The following GYG1 variants were observed in gnomAD, a reference collection of about 807,000 sequenced individuals.
The protein encoded by GYG1 is glycogenin-1.
Under a neutral mutation model 41.9 loss-of-function variants are expected in GYG1, and 44 were observed. The observed-to-expected ratio is 1.05, with a 90% CI of 0.83 to 1.35. The LOEUF (loss-of-function observed/expected upper bound fraction) is 1.35. GYG1 is among the 40% of genes most tolerant of loss of function. GYG1 has a pLI of 0.00. For missense variants in GYG1, 429 were observed against 418.9 expected (o/e 1.02, Z -0.21); for synonymous variants, 141 against 158.1 (o/e 0.89, Z 0.81).
rs747627650 is a variant in GYG1 at position 149,024,126 on chromosome 3, AC to A, written c.683del (p.Thr228LysfsTer13). ...ATGGAATTATACTTATGATCCCAAA[AC>A]AAAAAGTGTCAAAAGTGAGGCCCAT... is the stretch of plus-strand genomic sequence containing the variant. ...KPWNYTYDPK[T>X]KSVKSEAHDP... is the part of the protein sequence containing the mutation. On this transcript the variant is annotated frameshift_variant, in exon 6 of 8. Transcript: ENST00000345003. LOFTEE classifies it high-confidence loss of function. 1.9e-6 allele frequency: 3 copies of A among 1,614,110 alleles called. No homozygotes were observed. The highest frequency in any genetic ancestry group is 1.7e-5 in the Admixed American group (1 of 60,024).
chr3:149,011,857 C>T (rs1384066741), intron 5 of GYG1, among the ~76,000 whole-genome samples: 1 of 152,170 alleles, frequency 6.6e-6, no homozygotes, highest in African/African-American at 2.4e-5. Flanking sequence ...CAACTCCGTC[C>T]ATTAGCCGGA....
Position 149,030,759 on chromosome 3 carries a change from C to T in GYG1, c.*3826C>T, listed in dbSNP as rs1018508089. The T allele has an allele frequency of 6.6e-6, 1 of 152,202 alleles. No individual in the cohort carries two copies. The highest frequency in any genetic ancestry group is 6.5e-5 in the Admixed American group (1 of 15,284). 9.4% of individuals were successfully genotyped at this position (152,202 alleles called of 1,614,324 possible). A position where few individuals can be genotyped will look rare whatever the true frequency, so the allele number is the denominator to read the frequency against. Reference sequence around the variant, plus strand: ...TTGATGAAAATCAGCCCTTTCCTTACCTGCTACTGCCTCAAAAAGGGACCA... The same window carrying T: ...TTGATGAAAATCAGCCCTTTCCTTATCTGCTACTGCCTCAAAAAGGGACCA... On this transcript the variant is annotated 3_prime_UTR_variant, in exon 8 of 8. Coordinates refer to ENST00000345003, the MANE Select transcript of GYG1 (RefSeq NM_004130.4).
At chr3:149,009,106 C>G (rs1713570699) in intron 4 of GYG1, 170 bp from the exon 5 acceptor site, 1 of 562,520 alleles carries the variant, frequency 1.8e-6, no homozygotes, top group Admixed American at 3.1e-5. Flanking sequence ...TTGCAGTGAG[C>G]TGAGATCGTG....
In GYG1 at chr3:149,028,704, AATTTTT is replaced by A. The variant is rs1189768267; in HGVS notation, c.*1772_*1777del. On this transcript the variant is annotated 3_prime_UTR_variant, in exon 8 of 8. Coordinates refer to ENST00000345003, the MANE Select transcript of GYG1 (RefSeq NM_004130.4). ...AGGTGGAAAAGCTGACATAGTTTTAAATTTTTTTTTTTTTTTTTTTTTTTCTTGAGG... is the reference window on the plus strand; with the variant it reads ...AGGTGGAAAAGCTGACATAGTTTTAATTTTTTTTTTTTTTTTTTCTTGAGG... 6.4e-4 allele frequency among the ~76,000 whole-genome samples: 91 copies of A among 142,928 alleles called. No homozygotes were observed. Among genetic ancestry groups the A allele is most frequent in the Admixed American group, 4.1e-3 (57 of 14,050 alleles). 93.8% of individuals were successfully genotyped at this position (142,928 alleles called of 152,430 possible).
intron 1 of GYG1, 44 bp downstream of exon 1, chr3:148,991,691 T>C (rs1399154749): frequency 1.0e-5 from 15 of 1,445,980 alleles, no homozygotes; most frequent in East Asian, 2.6e-5. Flanking sequence ...GGACCCCGGC[T>C]TCCTGCCCAG....
At chr3:149,000,904 A>G (rs1713058780) in intron 4 of GYG1, 1 of 152,228 alleles carries the variant, frequency 6.6e-6, no homozygotes, top group African/African-American at 2.4e-5. Context: ...TGAGGTCACT[A>G]TATTTGTGTG....
rs115604932 is a variant in GYG1, at chr3:149,029,734, G to C, written c.*2801G>C. Among the ~76,000 whole-genome samples the C allele has an allele frequency of 1.5e-3, 236 of 152,298 alleles. No individual in the cohort carries two copies. Among genetic ancestry groups the C allele is most frequent in the Admixed American group, 4.8e-3 (73 of 15,302 alleles). On this transcript the variant is annotated 3_prime_UTR_variant, in exon 8 of 8. Coordinates refer to ENST00000345003, the MANE Select transcript of GYG1 (RefSeq NM_004130.4). ...AAGCACACACTGCCGAAGATCATTAGTACTCACTGGTAACAAACTACATAG... is the reference window on the plus strand; with the variant it reads ...AAGCACACACTGCCGAAGATCATTACTACTCACTGGTAACAAACTACATAG...
Position 149,026,756 on chromosome 3 carries a change from C to G in GYG1, c.880-4C>G. Reference sequence around the variant, plus strand: ...CATAGAGTCAATTATGCTTTCCTTTCTAGGAAGATGTCTCAGGAGCCATAT... The same window carrying G: ...CATAGAGTCAATTATGCTTTCCTTTGTAGGAAGATGTCTCAGGAGCCATAT... On this transcript the variant is annotated splice_region_variant and splice_polypyrimidine_tract_variant and intron_variant, in intron 7 of 7. Transcript: ENST00000345003. 1 of 1,587,994 alleles carries G rather than the reference C, an allele frequency of 6.3e-7. No homozygotes were observed. Among genetic ancestry groups the G allele is most frequent in the Non-Finnish European group, 8.6e-7 (1 of 1,156,300 alleles).
rs1344800760 is a variant in GYG1, at chr3:148,991,587, T to C, written c.-54T>C. On this transcript the variant is annotated 5_prime_UTR_variant, in exon 1 of 8. Transcript: ENST00000345003. ...GCCGCGCTCCCTCCCGGTGCCGGCT[T>C]CTCTGAGTCACCAACCTGAGGCTGC... The C allele has an allele frequency of 5.4e-5, 83 of 1,548,066 alleles. No homozygotes were observed. The highest frequency in any genetic ancestry group is 6.8e-5 in the Non-Finnish European group (78 of 1,155,048).
At chr3:149,001,038 T>C (rs1170263508) in intron 4 of GYG1, 2 of 152,172 alleles carry the variant, frequency 1.3e-5, no homozygotes, top group African/African-American at 4.8e-5. Context: ...CAGAGCTAGA[T>C]TTTAAAATCT....
At chr3:149,000,992 T>A (rs1266008246) in intron 4 of GYG1, 1 of 152,220 alleles carries the variant, frequency 6.6e-6, no homozygotes, top group African/African-American at 2.4e-5. Flanking sequence ...CAGAAATGAT[T>A]TGGTGCTACA....
At chr3:148,999,859 C>G (rs1027218573) in intron 4 of GYG1, among the ~76,000 whole-genome samples, 2 of 152,278 alleles carry the variant, frequency 1.3e-5, no homozygotes, top group African/African-American at 4.8e-5. Flanking sequence ...TCCACCACCC[C>G]CATAGTCAGT....
At chr3:148,996,574 A>G in intron 3 of GYG1, 98 bp downstream of exon 3, 21 of 1,255,444 alleles carry the variant, frequency 1.7e-5, no homozygotes, top group Non-Finnish European at 2.4e-5. Flanking sequence ...TTGACGGTAA[A>G]GTTCAGATAG....
intron 5 of GYG1, among the ~76,000 whole-genome samples, chr3:149,021,666 A>T (rs1424367684): frequency 5.3e-5 from 8 of 152,172 alleles, no homozygotes; most frequent in Admixed American, 5.2e-4. Context: ...AGTAAAATTT[A>T]CCTTGTAGAA....
chr3:149,011,457 C>T (rs1180981675), intron 5 of GYG1, among the ~76,000 whole-genome samples: 1 of 151,944 alleles, frequency 6.6e-6, no homozygotes, highest in Non-Finnish European at 1.5e-5. Flanking sequence ...CCATTCCACT[C>T]AGTCCTGCAC....
intron 5 of GYG1, among the ~76,000 whole-genome samples, chr3:149,018,472 A>G (rs1714189575): frequency 6.6e-6 from 1 of 152,194 alleles, no homozygotes; most frequent in Non-Finnish European, 1.5e-5. Flanking sequence ...GCTGCCCTAG[A>G]TGAGTTCTAG....
In GYG1 at chr3:149,012,035, C is replaced by T. The variant is rs544135602; in HGVS notation, c.608+2633C>T. ...TCACAGAACTCATTTTCCCTTCCCT[C>T]TGCCAGAAAATATATTTGCTTTTCT... is the stretch of plus-strand genomic sequence containing the variant. On this transcript the variant is annotated intron_variant, in intron 5 of 7. Transcript: ENST00000345003. Among the ~76,000 whole-genome samples the T allele has an allele frequency of 3.3e-5, 5 of 152,322 alleles. No individual in the cohort carries two copies. The East Asian group carries it at 9.6e-4, about 29-fold the overall frequency.
In GYG1 at chr3:149,005,080, G is replaced by T. The variant is rs149408759; in HGVS notation, c.482-4196G>T. ...GGGTAGCTGTTAGTCATTTTAAGTG[G>T]AATTGCTTCAGTTAAAGAAGGTGTT... is the stretch of plus-strand genomic sequence containing the variant. On this transcript the variant is annotated intron_variant, in intron 4 of 7. Transcript: ENST00000345003. Among the ~76,000 whole-genome samples the T allele has an allele frequency of 3.9e-3, 593 of 152,244 alleles. 6 individuals are homozygous for T. The highest frequency in any genetic ancestry group is 0.014 in the African/African-American group (574 of 41,546).
chr3:148,997,054 T>TTGTG lies in GYG1; in HGVS notation c.481+176_481+179dup, dbSNP rs10571382. ...TTAAGTTGTGCTCTTCTGGGAAATA[T>TTGTG]TGTGTGTGTGTGTGTGTGTGTGTGT... is the stretch of plus-strand genomic sequence containing the variant. On this transcript the variant is annotated intron_variant, in intron 4 of 7. Coordinates refer to ENST00000345003, the MANE Select transcript of GYG1 (RefSeq NM_004130.4). The TTGTG allele has an allele frequency of 2.4e-3, 1,463 of 606,590 alleles. 6 individuals carry two copies. The highest frequency in any genetic ancestry group is 3.4e-3 in the African/African-American group (184 of 53,440). 37.6% of individuals were successfully genotyped at this position (606,590 alleles called of 1,614,324 possible).
Sources: allele counts gnomAD v4.1 joint callset (sites outside exome capture counted in the v4.1 genomes callset), GRCh38; gene constraint gnomAD v4.1.1; transcripts MANE v1.5; gene names NCBI Gene and HGNC (gene_info 2026-07-23, HGNC 2026-07-21).